Variants in DYNC2H1 observed in about 807,000 individuals in gnomAD.
DYNC2H1 encodes the protein cytoplasmic dynein 2 heavy chain 1.
DYNC2H1 carries 410 observed loss-of-function variants against 570.0 expected under a neutral mutation model. That is an observed-to-expected ratio of 0.72 (90% CI 0.66 to 0.78). The LOEUF is 0.78. DYNC2H1 is among the 30% of genes least tolerant of loss of function. The pLI, the probability that DYNC2H1 is intolerant of heterozygous loss-of-function variation, is 0.00. For synonymous variants in DYNC2H1, 1,688 were observed against 1,677.6 expected, an observed-to-expected ratio of 1.01 and a Z score of -0.15; for missense variants, 4,865 against 5,046.4, an observed-to-expected ratio of 0.96 and a Z score of 1.09.
chr11:103,320,799 T>C (rs572123607), intron 80 of DYNC2H1, among the ~76,000 whole-genome samples: 14 of 152,202 alleles, frequency 9.2e-5, no homozygotes, highest in South Asian at 2.1e-4. Flanking sequence ...TTGTATAATA[T>C]TAATACTTCT....
At chr11:103,451,748 G>A (rs1183366677) in intron 85 of DYNC2H1, among the ~76,000 whole-genome samples, 2 of 151,922 alleles carry the variant, frequency 1.3e-5, no homozygotes, top group Admixed American at 1.3e-4. Flanking sequence ...ACATTTAATC[G>A]TTATCATTTC....
rs970788916 is a variant in DYNC2H1 at position 103,181,605 on chromosome 11, C to G, written c.6348-152C>G. On this transcript the variant is annotated intron_variant, in intron 39 of 88. Coordinates refer to ENST00000375735, the MANE Select transcript of DYNC2H1 (RefSeq NM_001377.3). This position sits in a 1 kb window ranked among gnomAD's most constrained non-coding sequence, Gnocchi z 5.0. Reference sequence around the variant, plus strand: ...CACACAGATGTAATTGTATTATTCACACATACTCATAGTAAAGTAACTAAA... The same window carrying G: ...CACACAGATGTAATTGTATTATTCAGACATACTCATAGTAAAGTAACTAAA... Among the ~76,000 whole-genome samples, 7 of 151,626 alleles carry G rather than the reference C, an allele frequency of 4.6e-5. No homozygotes were observed. Among genetic ancestry groups the G allele is most frequent in the Admixed American group, 3.3e-4 (5 of 15,138 alleles).
chr11:103,435,444 G>C (rs1944027137), intron 84 of DYNC2H1, among the ~76,000 whole-genome samples: 1 of 152,082 alleles, frequency 6.6e-6, no homozygotes, highest in South Asian at 2.1e-4. Flanking sequence ...GATAACTTTT[G>C]TAAGGCAGCT....
At chr11:103,202,507 G>C (rs1862763640) in intron 50 of DYNC2H1, among the ~76,000 whole-genome samples, 1 of 151,870 alleles carries the variant, frequency 6.6e-6, no homozygotes, top group African/African-American at 2.4e-5. Context: ...TATATAGATA[G>C]AGCTGACATT....
chr11:103,348,754 C>G (rs1939890004), intron 82 of DYNC2H1, among the ~76,000 whole-genome samples: 1 of 152,086 alleles, frequency 6.6e-6, no homozygotes, highest in African/African-American at 2.4e-5. Context: ...TGGCTGTGCC[C>G]TCACCCAAAT....
At chr11:103,392,083 G>T (rs1163538569) in intron 83 of DYNC2H1, among the ~76,000 whole-genome samples, 1 of 152,216 alleles carries the variant, frequency 6.6e-6, no homozygotes. Flanking sequence ...GTTTGGCTAT[G>T]CCCTGCCCGC....
At chr11:103,271,767 CT>C (rs1368452446) in intron 70 of DYNC2H1, among the ~76,000 whole-genome samples, 18 of 152,162 alleles carry the variant, frequency 1.2e-4, no homozygotes, top group Admixed American at 3.3e-4. Context: ...TAATCTTTAA[CT>C]TAGATCTAGA....
chr11:103,335,610 A>G (rs1222773040), intron 82 of DYNC2H1, among the ~76,000 whole-genome samples: 1 of 152,134 alleles, frequency 6.6e-6, no homozygotes, highest in Non-Finnish European at 1.5e-5. Context: ...CTAGAATTAT[A>G]TGAAATACGG....
chr11:103,223,109 A>G, intron 59 of DYNC2H1, 23 bp downstream of exon 59: 5 of 1,565,070 alleles, frequency 3.2e-6, no homozygotes, highest in Non-Finnish European at 4.3e-6. Flanking sequence ...TAAAATATAA[A>G]CAATTCTAAC....
chr11:103,383,655 T>C (rs554734478), intron 83 of DYNC2H1, among the ~76,000 whole-genome samples: 7 of 85,430 alleles, frequency 8.2e-5, no homozygotes, highest in Admixed American at 2.8e-4. Context: ...TTTGTATTTT[T>C]AGTAGGGACG....
chr11:103,324,069 C>G lies in DYNC2H1; in HGVS notation c.12039+79C>G. 2.5e-6 allele frequency: 2 copies of G among 794,010 alleles called. No individual in the cohort carries two copies. Among genetic ancestry groups the G allele is most frequent in the Non-Finnish European group, 3.7e-6 (2 of 547,908 alleles). 49.2% of individuals were successfully genotyped at this position (794,010 alleles called of 1,614,324 possible). ...AGACAAAATTAAACTTGATTTAGTA[C>G]TGTAGACCCCACAAGCTTTATTTAA... is the stretch of plus-strand genomic sequence containing the variant. On this transcript the variant is annotated intron_variant, in intron 82 of 88. Coordinates refer to ENST00000375735, the MANE Select transcript of DYNC2H1 (RefSeq NM_001377.3). The surrounding 1 kb of genome is among the most constrained non-coding windows in gnomAD (Gnocchi z 5.2).
chr11:103,399,917 G>C, intron 84 of DYNC2H1, 45 bp downstream of exon 84: 1 of 1,490,974 alleles, frequency 6.7e-7, no homozygotes, highest in East Asian at 2.3e-5. Flanking sequence ...ATTGTTATAA[G>C]TGACTCCTCC....
chr11:103,210,057 T>C (rs1863090539), intron 53 of DYNC2H1, 97 bp downstream of exon 53: 8 of 1,277,980 alleles, frequency 6.3e-6, no homozygotes, highest in Non-Finnish European at 8.1e-6. Flanking sequence ...TGATTATAAA[T>C]TTGAATAATG....
At position 103,181,824 on chromosome 11, in the gene DYNC2H1, A is replaced by G; in HGVS notation, c.6415A>G (p.Asn2139Asp). 1 of 1,594,936 alleles carries G rather than the reference A, an allele frequency of 6.3e-7. No homozygotes were observed. Among genetic ancestry groups the G allele is most frequent in the Non-Finnish European group, 8.6e-7 (1 of 1,169,272 alleles). ...GAGGAATCAGCCTGCTGAATATAGAAATAATCTTGAAAATTGGATTGGAGA... is the reference window on the plus strand; with the variant it reads ...GAGGAATCAGCCTGCTGAATATAGAGATAATCTTGAAAATTGGATTGGAGA... ...WLRNQPAEYR[N>D]NLENWIGDYF... Residue 2139 changes from asparagine (N) to aspartate (D), a missense_variant, in exon 40 of 89, where the codon AAT becomes GAT. Asn to Asp is a conservative substitution (Grantham distance 23, BLOSUM62 1). This residue lies in a region of DYNC2H1 where 231 missense variants were observed against 310.3 expected (regional missense o/e 0.74). Coordinates refer to ENST00000375735, the MANE Select transcript of DYNC2H1 (RefSeq NM_001377.3). The surrounding 1 kb of genome is among the most constrained non-coding windows in gnomAD (Gnocchi z 5.0).
At position 103,245,520 on chromosome 11, in the gene DYNC2H1, G is replaced by A. The variant is rs576242033; in HGVS notation, c.10042+146G>A. On this transcript the variant is annotated intron_variant, in intron 65 of 88. Transcript: ENST00000375735. The surrounding 1 kb of genome is among the most constrained non-coding windows in gnomAD (Gnocchi z 4.5). ...CCTTCAGCAATATGTGTAAAGTTGTGACAATATGTGTAAAATGTTGTTTAT... is the reference window on the plus strand; with the variant it reads ...CCTTCAGCAATATGTGTAAAGTTGTAACAATATGTGTAAAATGTTGTTTAT... 3.8e-6 allele frequency: 3 copies of A among 799,916 alleles called. No individual in the cohort carries two copies. Among genetic ancestry groups the A allele is most frequent in the South Asian group, 4.1e-5 (2 of 49,030 alleles). 49.6% of individuals were successfully genotyped at this position (799,916 alleles called of 1,614,324 possible).
At chr11:103,320,979 T>C (rs781424557) in intron 80 of DYNC2H1, 50 bp from the exon 81 acceptor site, 1 of 1,386,670 alleles carries the variant, frequency 7.2e-7, no homozygotes, top group Non-Finnish European at 9.9e-7. Flanking sequence ...GGCAGGAATT[T>C]AGTTAATATT....
intron 83 of DYNC2H1, among the ~76,000 whole-genome samples, chr11:103,390,641 G>A (rs564130691): frequency 1.3e-5 from 2 of 152,204 alleles, no homozygotes; most frequent in Non-Finnish European, 2.9e-5. Context: ...GGTACCAGTT[G>A]TTCCTTTCCA....
intron 77 of DYNC2H1, 80 bp from the exon 78 acceptor site, chr11:103,307,641 A>G (rs1301719846): frequency 3.1e-6 from 2 of 654,150 alleles, no homozygotes; most frequent in Non-Finnish European, 2.5e-6. Flanking sequence ...TTAATTAAAA[A>G]TAGTTACTAA....
intron 35 of DYNC2H1, 96 bp from the exon 36 acceptor site, chr11:103,173,959 A>G (rs1408895926): frequency 1.3e-6 from 1 of 781,270 alleles, no homozygotes; most frequent in Non-Finnish European, 2.0e-6. Context: ...ATTCATTTCT[A>G]TGTGTCAGTG....
Sources: gnomAD v4.1 joint callset for allele counts (sites outside exome capture counted in the v4.1 genomes callset) on GRCh38, gnomAD v4.1.1 for gene constraint, gnomAD v4.1.1 regional missense constraint, Gnocchi (gnomAD v3.1) non-coding constraint, MANE v1.5 for transcripts, NCBI Gene and HGNC (gene_info 2026-07-23, HGNC 2026-07-21) for gene names.